The following RTEL1 variants were observed in gnomAD, a reference collection of about 807,000 sequenced individuals.
The protein encoded by RTEL1 is regulator of telomere length.
RTEL1 carries 86 observed loss-of-function variants against 162.2 expected under a neutral mutation model. That is an observed-to-expected ratio of 0.53 (90% CI 0.45 to 0.63). The LOEUF (loss-of-function observed/expected upper bound fraction) is 0.63. RTEL1 is among the 30% of genes least tolerant of loss of function. The probability of loss-of-function intolerance (pLI) is 0.00; values close to 1 mark genes in which losing one functional copy is unlikely to be tolerated. For synonymous variants in RTEL1, 958 were observed against 717.9 expected, an observed-to-expected ratio of 1.33 and a Z score of -5.35; for missense variants, 1,941 against 1,750.2, an observed-to-expected ratio of 1.11 and a Z score of -1.95.
chr20:63,669,262 CAG>C (rs943023036), intron 8 of RTEL1, among the ~76,000 whole-genome samples: 7 of 152,204 alleles, frequency 4.6e-5, no homozygotes, highest in African/African-American at 1.4e-4. Context: ...GTTCGGAAAA[CAG>C]TGAATCTTAA....
At chr20:63,675,464 G>A (rs1001949182) in intron 10 of RTEL1, among the ~76,000 whole-genome samples, 3 of 151,846 alleles carry the variant, frequency 2.0e-5, no homozygotes, top group African/African-American at 7.3e-5. Context: ...CATTTGTTTA[G>A]TACAGAAGTT....
At chr20:63,662,324 G>A (rs1001455576) in intron 4 of RTEL1, 18 of 826,992 alleles carry the variant, frequency 2.2e-5, no homozygotes, top group African/African-American at 6.7e-5. Context: ...TCCTGTGGCC[G>A]GACCAGTGGC....
Position 63,674,056 on chromosome 20 carries a change from G to T in RTEL1, c.882G>T (p.Glu294Asp), listed in dbSNP as rs1375388808. The T allele has an allele frequency of 1.2e-6, 2 of 1,613,728 alleles. No individual in the cohort carries two copies. The highest frequency in any genetic ancestry group is 1.1e-5 in the South Asian group (1 of 91,072). The change falls in exon 10 of 35, where the codon GAG becomes GAT. Residue 294 changes from glutamate (E) to aspartate (D), a missense_variant. By Grantham distance (45) the Glu-to-Asp change is conservative. Coordinates refer to ENST00000360203, the MANE Select transcript of RTEL1 (RefSeq NM_001283009.2). Reference protein sequence around the residue: ...EEQTKAAQQGEPHPEFSADSP... With the variant: ...EEQTKAAQQGDPHPEFSADSP... Reference sequence around the variant, plus strand: ...AGACCAAGGCAGCGCAGCAGGGTGAGCCCCACCCGGAGTTCAGCGCGGACT... The same window carrying T: ...AGACCAAGGCAGCGCAGCAGGGTGATCCCCACCCGGAGTTCAGCGCGGACT...
chr20:63,690,666 C>A, intron 26 of RTEL1, 139 bp from the exon 27 acceptor site: 3 of 1,070,270 alleles, frequency 2.8e-6, no homozygotes, highest in Non-Finnish European at 3.9e-6. Context: ...GAGGCTGAGA[C>A]TCCCCCCAAT....
chr20:63,683,966 T>TATACATATTCTCTCTCTAA (rs2090536119), intron 14 of RTEL1, among the ~76,000 whole-genome samples: 2 of 145,706 alleles, frequency 1.4e-5, no homozygotes, highest in Non-Finnish European at 1.5e-5. Flanking sequence ...GAGGATCCCA[T>TATACATATTCTCTCTCTAA]GCCGACATAC....
At chr20:63,680,123 G>A (rs551663303) in intron 13 of RTEL1, among the ~76,000 whole-genome samples, 177 bp downstream of exon 13, 31 of 152,324 alleles carry the variant, frequency 2.0e-4, no homozygotes, top group African/African-American at 7.2e-4. Flanking sequence ...GCCAGCTGCC[G>A]TAGAGCCTGT....
At chr20:63,676,462 C>T (rs533371172) in intron 10 of RTEL1, among the ~76,000 whole-genome samples, 6 of 152,288 alleles carry the variant, frequency 3.9e-5, no homozygotes, top group South Asian at 2.1e-4. Context: ...TCTCCTTTCC[C>T]GTTTCTTCCC....
In RTEL1 at chr20:63,662,873, C is replaced by G. The variant is rs1372480426; in HGVS notation, c.522C>G (p.Phe174Leu). Reference protein sequence around the residue: ...RKKVASRSCHFYNNVEEKSLE... With the variant: ...RKKVASRSCHLYNNVEEKSLE... ...AGGTGGCAAGTCGCTCCTGTCATTT[C>G]TACAACAACGTAGAAGGTACAAGCA... Residue 174 changes from phenylalanine (F) to leucine (L), a missense_variant, in exon 6 of 35, where the codon TTC becomes TTG. Phe to Leu is a conservative substitution (Grantham distance 22, BLOSUM62 0). Transcript: ENST00000360203. The G allele has an allele frequency of 6.2e-7, 1 of 1,614,024 alleles. No individual in the cohort carries two copies. The highest frequency in any genetic ancestry group is 8.5e-7 in the Non-Finnish European group (1 of 1,180,030).
intron 16 of RTEL1, chr20:63,686,147 G>T: frequency 1.9e-6 from 1 of 540,322 alleles, no homozygotes; most frequent in Non-Finnish European, 3.4e-6. Context: ...CCTCCCTGCT[G>T]GGACACGCTC....
intron 7 of RTEL1, among the ~76,000 whole-genome samples, chr20:63,666,834 CTTTT>C (rs146252896): frequency 0.02 from 2,038 of 101,976 alleles, 43 homozygotes; most frequent in African/African-American, 0.076. Context: ...CTGGCCAGCT[CTTTT>C]TTTTTTTTTT....
At chr20:63,695,017 C>A in intron 32 of RTEL1, 43 bp downstream of exon 32, 1 of 1,609,314 alleles carries the variant, frequency 6.2e-7, no homozygotes, top group Non-Finnish European at 8.5e-7. Context: ...GGGTGGGGGG[C>A]AGGGGACAAA....
At chr20:63,676,913 GAC>G (rs1182826356) in intron 10 of RTEL1, among the ~76,000 whole-genome samples, 1 of 151,858 alleles carries the variant, frequency 6.6e-6, no homozygotes, top group Admixed American at 6.6e-5. Context: ...CCAGCCTGGC[GAC>G]AGAGCGAGAC....
Position 63,670,906 on chromosome 20 carries a change from C to T in RTEL1, c.700-1650C>T, listed in dbSNP as rs79834248. Among the ~76,000 whole-genome samples, 350 of 152,210 alleles carry T rather than the reference C, an allele frequency of 2.3e-3. 8 individuals carry two copies. In the East Asian group the frequency reaches 0.057, roughly 25 times the overall value. On this transcript the variant is annotated intron_variant, in intron 8 of 34. Coordinates refer to ENST00000360203, the MANE Select transcript of RTEL1 (RefSeq NM_001283009.2). ...GTTGCCAAAACTGGGAAGCAGCCCG[C>T]GTGAGCCCATCCACAGGTGAATGGA...
At chr20:63,690,657 A>G in intron 26 of RTEL1, 148 bp from the exon 27 acceptor site, 1 of 1,040,068 alleles carries the variant, frequency 9.6e-7, no homozygotes, top group Admixed American at 2.9e-5. Context: ...ATGCCCCCCG[A>G]GGCTGAGACT....
At chr20:63,664,246 G>C (rs935592160) in intron 6 of RTEL1, among the ~76,000 whole-genome samples, 6 of 152,200 alleles carry the variant, frequency 3.9e-5, no homozygotes, top group Admixed American at 1.3e-4. Context: ...TCTCAAGCAG[G>C]CGTCATTTCC....
At chr20:63,674,541 C>T (rs563698587) in intron 10 of RTEL1, among the ~76,000 whole-genome samples, 1 of 152,216 alleles carries the variant, frequency 6.6e-6, no homozygotes, top group South Asian at 2.1e-4. Context: ...AACCTCGCCC[C>T]TGCCAAAAAA....
At chr20:63,667,950 C>T (rs1367607253) in intron 8 of RTEL1, among the ~76,000 whole-genome samples, 2 of 148,936 alleles carry the variant, frequency 1.3e-5, no homozygotes, top group African/African-American at 5.0e-5. Flanking sequence ...CTCCCCCTCC[C>T]AGCATGTGCC....
intron 21 of RTEL1, chr20:63,688,811 G>C: frequency 1.6e-6 from 1 of 634,316 alleles, no homozygotes. Context: ...GGTAACAGTG[G>C]CCCTCCTGTC....
At chr20:63,693,896 T>TG (rs567633795) in intron 30 of RTEL1, among the ~76,000 whole-genome samples, 5 of 150,118 alleles carry the variant, frequency 3.3e-5, no homozygotes, top group Non-Finnish European at 5.9e-5. Context: ...TGCATGGTCC[T>TG]GGGGGGTCAA....
Sources: gnomAD v4.1 joint callset for allele counts (sites outside exome capture counted in the v4.1 genomes callset) on GRCh38, gnomAD v4.1.1 for gene constraint, MANE v1.5 for transcripts, NCBI Gene and HGNC (gene_info 2026-07-23, HGNC 2026-07-21) for gene names.